ZNF804A: variants seen among roughly 807,000 people sequenced by gnomAD.
ZNF804A encodes zinc finger protein 804A.
ZNF804A carries 2 observed loss-of-function variants against 16.5 expected under a neutral mutation model. That is an observed-to-expected ratio of 0.12 (90% CI 0.05 to 0.38). The LOEUF (loss-of-function observed/expected upper bound fraction) is 0.38, where lower values mean the gene tolerates loss of function less well. Ranked by LOEUF, ZNF804A falls within the 10% of genes least tolerant of loss-of-function variation. The pLI is 0.99. For missense variants in ZNF804A, 1,473 were observed against 1,390.7 expected, an observed-to-expected ratio of 1.06 and a Z score of -0.94; for synonymous variants, 534 against 489.6, an observed-to-expected ratio of 1.09 and a Z score of -1.20.
chr2:184,880,682 G>C (rs1175305900), intron 2 of ZNF804A, among the ~76,000 whole-genome samples: 2 of 151,910 alleles, frequency 1.3e-5, no homozygotes, highest in African/African-American at 4.8e-5. Context: ...TGTTTGGATA[G>C]AAATTTATTG....
At chr2:184,650,758 C>G (rs2105700210) in intron 1 of ZNF804A, among the ~76,000 whole-genome samples, 1 of 152,148 alleles carries the variant, frequency 6.6e-6, no homozygotes, top group South Asian at 2.1e-4. Flanking sequence ...GTTGAAAGGT[C>G]TCTGCAGGGA....
At chr2:184,626,007 T>C (rs1477543619) in intron 1 of ZNF804A, among the ~76,000 whole-genome samples, 1 of 152,174 alleles carries the variant, frequency 6.6e-6, no homozygotes, top group African/African-American at 2.4e-5. Context: ...TAGCTGGGAC[T>C]ACAGGTGCCC....
rs557160596 is a variant in ZNF804A at position 184,826,827 on chromosome 2, C to T, written c.112-39542C>T. ...CATGTATATTTTTATATAGTAACAG[C>T]ATTAAAAACAAATTTTTGAAAAATG... On this transcript the variant is annotated intron_variant, in intron 1 of 3. Coordinates refer to ENST00000302277, the MANE Select transcript of ZNF804A (RefSeq NM_194250.2). 5.8e-4 allele frequency among the ~76,000 whole-genome samples: 88 copies of T among 152,134 alleles called. 1 individual carries two copies. Among genetic ancestry groups the T allele is most frequent in the Admixed American group, 1.4e-3 (22 of 15,258 alleles).
intron 1 of ZNF804A, among the ~76,000 whole-genome samples, chr2:184,653,007 A>G (rs536051605): frequency 2.0e-5 from 3 of 151,976 alleles, no homozygotes; most frequent in African/African-American, 7.2e-5. Context: ...TCTTTCCTTT[A>G]TAAACTCAGC....
chr2:184,927,390 G>A (rs952561633), intron 2 of ZNF804A, among the ~76,000 whole-genome samples: 12 of 152,208 alleles, frequency 7.9e-5, no homozygotes, highest in African/African-American at 4.8e-5. Flanking sequence ...GGAGCTAGGG[G>A]TGGAGTGTCA....
intron 1 of ZNF804A, among the ~76,000 whole-genome samples, chr2:184,847,161 T>TGTTGAGTAA (rs1695532275): frequency 1.3e-5 from 2 of 152,144 alleles, no homozygotes; most frequent in African/African-American, 4.8e-5. Flanking sequence ...TGAGTTGTAC[T>TGTTGAGTAA]CAATTTAGCT....
chr2:184,871,537 G>A (rs145418903), intron 2 of ZNF804A, among the ~76,000 whole-genome samples: 365 of 151,430 alleles, frequency 2.4e-3, no homozygotes, highest in Non-Finnish European at 3.7e-3. Context: ...GAGAAAAATC[G>A]CCAAGAGTGA....
intron 1 of ZNF804A, among the ~76,000 whole-genome samples, chr2:184,829,929 C>CAAAAAAAAAAAAAAAAAAAAAA (rs1225922566): frequency 1.4e-5 from 1 of 72,616 alleles, no homozygotes; most frequent in African/African-American, 8.7e-5. Context: ...AAAACAAAAA[C>CAAAAAAAAAAAAAAAAAAAAAA]AAAAAAAAAA....
At chr2:184,785,175 C>T (rs1448080562) in intron 1 of ZNF804A, among the ~76,000 whole-genome samples, 2 of 152,120 alleles carry the variant, frequency 1.3e-5, no homozygotes, top group East Asian at 1.9e-4. Flanking sequence ...ATGGCCTACC[C>T]TCCTTATCCC....
Position 184,840,689 on chromosome 2 carries a change from C to G in ZNF804A, c.112-25680C>G, listed in dbSNP as rs796207351. On this transcript the variant is annotated intron_variant, in intron 1 of 3. Transcript: ENST00000302277. ...GCAAGAAACCCAGCAACCAATTTCT[C>G]CCTTCCAAAATATACACGCCCGCTA... is the stretch of plus-strand genomic sequence containing the variant. Among the ~76,000 whole-genome samples, 3 of 152,182 alleles carry G rather than the reference C, an allele frequency of 2.0e-5. No individual in the cohort carries two copies. The East Asian group carries it at 5.8e-4, about 29-fold the overall frequency.
chr2:184,605,313 T>C (rs1007860203), intron 1 of ZNF804A, among the ~76,000 whole-genome samples: 1 of 152,136 alleles, frequency 6.6e-6, no homozygotes, highest in East Asian at 1.9e-4. Context: ...TTTATATTGC[T>C]AACCACAATA....
At position 184,936,074 on chromosome 2, in the gene ZNF804A, A is replaced by C. The variant is rs755295048; in HGVS notation, c.678A>C (p.Leu226=). Residue 226 remains leucine, a synonymous_variant, in exon 4 of 4, where the codon CTA becomes CTC. Coordinates refer to ENST00000302277, the MANE Select transcript of ZNF804A (RefSeq NM_194250.2). The part of the protein sequence containing the change: ...FAFPKKASVK[L]ESSAAAFSEY... ...TTCCAAAGAAAGCGTCCGTGAAGCT[A>C]GAGTCCTCAGCTGCAGCCTTCTCTG... is the stretch of plus-strand genomic sequence containing the variant. The C allele has an allele frequency of 5.0e-6, 8 of 1,613,944 alleles. No individual in the cohort carries two copies. In the African/African-American group the frequency reaches 9.3e-5, roughly 19 times the overall value.
Position 184,939,093 on chromosome 2 carries a change from A to T in ZNF804A, c.*67A>T. ...TGCTATATGCGTTAAGTGTTCATCT[A>T]TGTGGGTACATGGCTATTTAACTGG... On this transcript the variant is annotated 3_prime_UTR_variant, in exon 4 of 4. Transcript: ENST00000302277. The T allele has an allele frequency of 6.5e-7, 1 of 1,547,422 alleles. No individual in the cohort carries two copies. Among genetic ancestry groups the T allele is most frequent in the Non-Finnish European group, 8.8e-7 (1 of 1,142,578 alleles).
At chr2:184,820,904 A>G (rs1001049199) in intron 1 of ZNF804A, among the ~76,000 whole-genome samples, 7 of 152,120 alleles carry the variant, frequency 4.6e-5, no homozygotes, top group African/African-American at 1.4e-4. Context: ...CCACTGCTCA[A>G]TGAAATCAGA....
At chr2:184,636,346 G>A (rs1244098387) in intron 1 of ZNF804A, among the ~76,000 whole-genome samples, 1 of 150,444 alleles carries the variant, frequency 6.6e-6, no homozygotes, top group Non-Finnish European at 1.5e-5. Context: ...GAAAGAGAGA[G>A]AGAAATATTT....
Position 184,936,692 on chromosome 2 carries a change from C to T in ZNF804A, c.1296C>T (p.His432=). The part of the protein sequence containing the change: ...CEPFVPVLNK[H]RSTVLQWPSE... ...CATTTGTACCTGTCCTTAACAAACA[C>T]AGATCTACAGTTCTTCAGTGGCCAT... Residue 432 remains histidine, a synonymous_variant, in exon 4 of 4, where the codon CAC becomes CAT. Transcript: ENST00000302277. 1.2e-6 allele frequency: 2 copies of T among 1,613,656 alleles called. No homozygotes were observed. Among genetic ancestry groups the T allele is most frequent in the Non-Finnish European group, 1.7e-6 (2 of 1,179,830 alleles).
intron 1 of ZNF804A, among the ~76,000 whole-genome samples, chr2:184,732,965 G>C (rs1693543730): frequency 6.6e-6 from 1 of 152,084 alleles, no homozygotes; most frequent in Non-Finnish European, 1.5e-5. Flanking sequence ...AGATGATCAT[G>C]TCATCTGTGA....
intron 1 of ZNF804A, among the ~76,000 whole-genome samples, chr2:184,661,670 A>C (rs1692177909): frequency 6.6e-6 from 1 of 152,160 alleles, no homozygotes; most frequent in South Asian, 2.1e-4. Flanking sequence ...TGGGGATGGA[A>C]GTTCTCACTT....
chr2:184,884,481 C>T (rs1684856417), intron 2 of ZNF804A, among the ~76,000 whole-genome samples: 1 of 151,626 alleles, frequency 6.6e-6, no homozygotes, highest in African/African-American at 2.4e-5. Flanking sequence ...AAACAAGAGC[C>T]CAAATAGCCA....
Sources: gnomAD v4.1 joint callset for allele counts (sites outside exome capture counted in the v4.1 genomes callset) on GRCh38, gnomAD v4.1.1 for gene constraint, MANE v1.5 for transcripts, NCBI Gene and HGNC (gene_info 2026-07-23, HGNC 2026-07-21) for gene names.